DLG2: variants seen among roughly 807,000 people sequenced by gnomAD.
DLG2 encodes the protein disks large homolog 2.
DLG2 carries 45 observed loss-of-function variants against 132.5 expected under a neutral mutation model. That is an observed-to-expected ratio of 0.34 (90% CI 0.27 to 0.44). The LOEUF (loss-of-function observed/expected upper bound fraction) is 0.44. DLG2 is among the 20% of genes least tolerant of loss of function. The pLI, the probability that DLG2 is intolerant of heterozygous loss-of-function variation, is 1.00. For missense variants in DLG2, 1,045 were observed against 1,196.9 expected (o/e 0.87, Z 1.87); for synonymous variants, 424 against 419.6 (o/e 1.01, Z -0.13).
intron 3 of DLG2, among the ~76,000 whole-genome samples, chr11:85,541,909 T>C (rs139305787): frequency 4.2e-4 from 64 of 152,306 alleles, no homozygotes; most frequent in African/African-American, 1.5e-3. Flanking sequence ...TTTGTGTTAT[T>C]CCTGTCTCTG....
chr11:84,091,811 T>A (rs1286210407), intron 10 of DLG2, among the ~76,000 whole-genome samples: 1 of 152,200 alleles, frequency 6.6e-6, no homozygotes, highest in Non-Finnish European at 1.5e-5. Flanking sequence ...TTTTGGGAAC[T>A]TGGGGTTCTC....
intron 11 of DLG2, among the ~76,000 whole-genome samples, chr11:84,027,409 G>C (rs773841143): frequency 2.0e-5 from 3 of 151,928 alleles, no homozygotes; most frequent in African/African-American, 7.3e-5. Context: ...ACAAAGGTAA[G>C]AGCAATCATA....
At chr11:85,059,176 C>G (rs949915470) in intron 6 of DLG2, among the ~76,000 whole-genome samples, 1 of 150,640 alleles carries the variant, frequency 6.6e-6, no homozygotes. Flanking sequence ...AAACCCAGAC[C>G]GATAAATATA....
At chr11:84,306,740 A>T (rs995206373) in intron 7 of DLG2, among the ~76,000 whole-genome samples, 2 of 152,194 alleles carry the variant, frequency 1.3e-5, no homozygotes, top group Non-Finnish European at 2.9e-5. Flanking sequence ...CTTCCCCTAA[A>T]TCCCAGTATC....
At chr11:84,613,084 C>T (rs1326483646) in intron 6 of DLG2, among the ~76,000 whole-genome samples, 1 of 152,084 alleles carries the variant, frequency 6.6e-6, no homozygotes, top group Non-Finnish European at 1.5e-5. Context: ...GGCAGTTGGG[C>T]TGATCGAGAA....
intron 4 of DLG2, among the ~76,000 whole-genome samples, chr11:85,174,541 T>G (rs1294916685): frequency 6.6e-6 from 1 of 151,924 alleles, no homozygotes; most frequent in Non-Finnish European, 1.5e-5. Flanking sequence ...CAACCTAACA[T>G]CACAACTAGA....
intron 6 of DLG2, chr11:84,923,653 C>T: frequency 2.2e-6 from 2 of 921,986 alleles, no homozygotes; most frequent in Non-Finnish European, 2.6e-6. Flanking sequence ...CCAGGCTATT[C>T]TGGTGCAGCA....
At chr11:84,291,623 C>A (rs970234503) in intron 7 of DLG2, among the ~76,000 whole-genome samples, 3 of 152,074 alleles carry the variant, frequency 2.0e-5, no homozygotes, top group African/African-American at 7.2e-5. Flanking sequence ...TGCAGAAAAA[C>A]AAAAGTAATT....
chr11:83,568,315 A>G (rs569723796), intron 19 of DLG2, among the ~76,000 whole-genome samples: 1 of 152,176 alleles, frequency 6.6e-6, no homozygotes, highest in East Asian at 1.9e-4. Flanking sequence ...AATGGATGGA[A>G]AGTGTTGTCA....
At chr11:85,165,264 C>T (rs906243720) in intron 4 of DLG2, among the ~76,000 whole-genome samples, 1 of 152,078 alleles carries the variant, frequency 6.6e-6, no homozygotes, top group Non-Finnish European at 1.5e-5. Context: ...TGTGAAATAG[C>T]TTGACTTCTA....
At chr11:85,339,433 T>C (rs1424823414) in intron 3 of DLG2, among the ~76,000 whole-genome samples, 1 of 152,240 alleles carries the variant, frequency 6.6e-6, no homozygotes, top group Non-Finnish European at 1.5e-5. Flanking sequence ...CTAGGTATTG[T>C]CCATTTTCCC....
chr11:84,358,364 T>TTTTC (rs1491351975), intron 7 of DLG2, among the ~76,000 whole-genome samples: 1 of 90,384 alleles, frequency 1.1e-5, no homozygotes, highest in Non-Finnish European at 2.3e-5. Context: ...AGTCCCAGTA[T>TTTTC]TTTTTTTTTT....
At chr11:83,866,522 A>G (rs1169553042) in intron 16 of DLG2, among the ~76,000 whole-genome samples, 3 of 152,144 alleles carry the variant, frequency 2.0e-5, no homozygotes, top group Non-Finnish European at 1.5e-5. Flanking sequence ...ATTAGCATTA[A>G]TAACTGTGAG....
At chr11:83,791,760 G>A (rs2041618557) in intron 17 of DLG2, among the ~76,000 whole-genome samples, 2 of 152,166 alleles carry the variant, frequency 1.3e-5, no homozygotes, top group Non-Finnish European at 2.9e-5. Flanking sequence ...ATAGGGAAGA[G>A]CCCGTCTCCG....
chr11:85,064,985 T>C (rs1383747959), intron 6 of DLG2, among the ~76,000 whole-genome samples: 1 of 151,540 alleles, frequency 6.6e-6, no homozygotes, highest in Non-Finnish European at 1.5e-5. Context: ...TATAGGTACT[T>C]TACATAAAGA....
chr11:84,992,589 A>C (rs1237442398), intron 6 of DLG2, among the ~76,000 whole-genome samples: 1 of 152,164 alleles, frequency 6.6e-6, no homozygotes, highest in Non-Finnish European at 1.5e-5. Flanking sequence ...TAGCCATTCT[A>C]ACTGGTGTGA....
chr11:83,776,332 T>G (rs1205119205), intron 18 of DLG2, among the ~76,000 whole-genome samples: 1 of 152,126 alleles, frequency 6.6e-6, no homozygotes, highest in Non-Finnish European at 1.5e-5. Flanking sequence ...TTATTTTACC[T>G]TTTTTACAGA....
At chr11:83,504,823 G>A (rs1017170531) in intron 21 of DLG2, among the ~76,000 whole-genome samples, 8 of 152,152 alleles carry the variant, frequency 5.3e-5, no homozygotes, top group Non-Finnish European at 8.8e-5. Flanking sequence ...CAGAGCATAC[G>A]TGGCCTTCTG....
At chr11:85,205,974 A>G (rs2081858971) in intron 4 of DLG2, among the ~76,000 whole-genome samples, 1 of 151,956 alleles carries the variant, frequency 6.6e-6, no homozygotes, top group Non-Finnish European at 1.5e-5. Flanking sequence ...TGTCACCCCC[A>G]CCCTCAAATC....
Sources: allele counts gnomAD v4.1 joint callset (sites outside exome capture counted in the v4.1 genomes callset), GRCh38; gene constraint gnomAD v4.1.1; transcripts MANE v1.5; gene names NCBI Gene and HGNC (gene_info 2026-07-23, HGNC 2026-07-21).